Variants in MTNR1B observed in about 807,000 individuals in gnomAD.
MTNR1B encodes melatonin receptor type 1B.
Under a neutral mutation model 7.0 loss-of-function variants are expected in MTNR1B, and 7 were observed. That is an observed-to-expected ratio of 1.00 (90% CI 0.57 to 1.88). MTNR1B has a LOEUF of 1.88. MTNR1B is among the 40% of genes most tolerant of loss of function. The probability of loss-of-function intolerance (pLI) is 0.00; values close to 1 mark genes in which losing one functional copy is unlikely to be tolerated. For synonymous variants in MTNR1B, 226 were observed against 208.2 expected (o/e 1.09, Z -0.74); for missense variants, 478 against 486.5 (o/e 0.98, Z 0.16).
In MTNR1B at chr11:92,981,860, A is replaced by G; in HGVS notation, c.637A>G (p.Ile213Val). ...GGTGGTCATCCACTTCCTCCTCCCT[A>G]TCGCTGTCGTGTCCTTCTGCTACCT... ...AVVVIHFLLP[I>V]AVVSFCYLRI... is the part of the protein sequence containing the mutation. The change falls in exon 2 of 2, where the codon ATC becomes GTC. Residue 213 changes from isoleucine to valine, a missense_variant. Physicochemically the swap from Ile to Val is conservative, Grantham distance 29. Coordinates refer to ENST00000257068, the MANE Select transcript of MTNR1B (RefSeq NM_005959.5). The G allele has an allele frequency of 6.2e-7, 1 of 1,613,998 alleles. No individual in the cohort carries two copies. Among genetic ancestry groups the G allele is most frequent in the Non-Finnish European group, 8.5e-7 (1 of 1,180,004 alleles).
chr11:92,981,967 G>A lies in MTNR1B; in HGVS notation c.744G>A (p.Arg248=), dbSNP rs1257047833. ...TGTGCCTGAAGCCCAGCGACTTGCG[G>A]AGCTTTCTAACCATGTTTGTGGTGT... ...SRLCLKPSDL[R]SFLTMFVVFV... Residue 248 remains arginine (R), a synonymous_variant, in exon 2 of 2, where the codon CGG becomes CGA. Coordinates refer to ENST00000257068, the MANE Select transcript of MTNR1B (RefSeq NM_005959.5). 6.2e-7 allele frequency: 1 copy of A among 1,614,232 alleles called. No homozygotes were observed. The highest frequency in any genetic ancestry group is 1.1e-5 in the South Asian group (1 of 91,084).
chr11:92,981,780 G>A lies in MTNR1B; in HGVS notation c.557G>A (p.Arg186His), dbSNP rs1347056510. The A allele has an allele frequency of 1.2e-5, 19 of 1,614,034 alleles. No homozygotes were observed. Among genetic ancestry groups the A allele is most frequent in the African/African-American group, 9.3e-5 (7 of 74,910 alleles). The part of the protein sequence containing the change: ...FFVGSLEYDP[R>H]IYSCTFIQTA... Reference sequence around the variant, plus strand: ...GTGGGGTCCCTGGAGTACGACCCACGCATCTATTCCTGCACCTTCATCCAG... The same window carrying A: ...GTGGGGTCCCTGGAGTACGACCCACACATCTATTCCTGCACCTTCATCCAG... The change falls in exon 2 of 2, where the codon CGC becomes CAC. Residue 186 changes from arginine to histidine, a missense_variant. Transcript: ENST00000257068.
intron 1 of MTNR1B, among the ~76,000 whole-genome samples, chr11:92,972,276 A>G (rs1000506402): frequency 6.6e-6 from 1 of 152,178 alleles, no homozygotes; most frequent in African/African-American, 2.4e-5. Context: ...GAGAATACAT[A>G]TATTTCCAAT....
downstream of MTNR1B, chr11:92,984,704 G>T: frequency 2.8e-6 from 1 of 354,718 alleles, no homozygotes; most frequent in South Asian, 2.2e-5. Context: ...AGTAAATATG[G>T]ATTGAAGGCT....
In MTNR1B at chr11:92,981,833, G is replaced by A; in HGVS notation, c.610G>A (p.Val204Met). 1 of 1,614,216 alleles carries A rather than the reference G, an allele frequency of 6.2e-7. No homozygotes were observed. Among genetic ancestry groups the A allele is most frequent in the Non-Finnish European group, 8.5e-7 (1 of 1,180,046 alleles). ...CGCCAGCACCCAGTACACGGCGGCA[G>A]TGGTGGTCATCCACTTCCTCCTCCC... ...QTASTQYTAA[V>M]VVIHFLLPIA... Residue 204 changes from valine (V) to methionine (M), a missense_variant, in exon 2 of 2, where the codon GTG becomes ATG. By Grantham distance (21) the Val-to-Met change is conservative. Transcript: ENST00000257068.
intron 1 of MTNR1B, among the ~76,000 whole-genome samples, chr11:92,974,748 G>C (rs1172557490): frequency 6.6e-6 from 1 of 152,060 alleles, no homozygotes; most frequent in Non-Finnish European, 1.5e-5. Flanking sequence ...GACTACAGGC[G>C]ACCGCCACCT....
intron 1 of MTNR1B, among the ~76,000 whole-genome samples, chr11:92,975,355 G>A (rs1857996145): frequency 6.6e-6 from 1 of 152,160 alleles, no homozygotes; most frequent in Non-Finnish European, 1.5e-5. Flanking sequence ...TGCACGAATT[G>A]GCATTTCTGG....
intron 1 of MTNR1B, among the ~76,000 whole-genome samples, chr11:92,976,860 C>A (rs1354464892): frequency 2.0e-5 from 3 of 152,172 alleles, no homozygotes; most frequent in Non-Finnish European, 2.9e-5. Flanking sequence ...TTCACACAAA[C>A]TGGGTGTCTG....
intron 1 of MTNR1B, chr11:92,972,678 T>G (rs6483208): frequency 0.046 from 17,651 of 381,294 alleles, 1,379 homozygotes; most frequent in African/African-American, 0.22. Context: ...GCCTGTCAGA[T>G]TGTGCTTCCC....
At chr11:92,978,061 CTCTT>C (rs1858038971) in intron 1 of MTNR1B, among the ~76,000 whole-genome samples, 1 of 152,198 alleles carries the variant, frequency 6.6e-6, no homozygotes, top group Admixed American at 6.5e-5. Context: ...TGATGATTCT[CTCTT>C]TCTATCTTGT....
Position 92,969,798 on chromosome 11 carries a change from G to T in MTNR1B, c.73G>T (p.Ala25Ser). The change falls in exon 1 of 2, where the codon GCT becomes TCT. Residue 25 changes from alanine (A) to serine (S), a missense_variant. Physicochemically the swap from Ala to Ser is moderately conservative, Grantham distance 99 (BLOSUM62 1). Transcript: ENST00000257068. The part of the protein sequence containing the change: ...GWAVRPGWSG[A>S]GSARPSRTPR... ...GGCAGTGCGCCCGGGCTGGTCGGGG[G>T]CTGGCAGCGCGCGGCCCTCCAGGAC... 6.4e-7 allele frequency: 1 copy of T among 1,558,650 alleles called. No individual in the cohort carries two copies. The highest frequency in any genetic ancestry group is 8.7e-7 in the Non-Finnish European group (1 of 1,151,288).
downstream of MTNR1B, chr11:92,984,849 G>A: frequency 2.2e-6 from 1 of 454,972 alleles, no homozygotes. Context: ...CAAAAAGAAT[G>A]GTAAAGCCCA....
chr11:92,978,316 TG>T (rs1353097719), intron 1 of MTNR1B, among the ~76,000 whole-genome samples: 1 of 152,206 alleles, frequency 6.6e-6, no homozygotes, highest in African/African-American at 2.4e-5. Context: ...GAGACTGTGA[TG>T]GTTGTGTGTG....
chr11:92,978,017 T>C (rs1439387304), intron 1 of MTNR1B, among the ~76,000 whole-genome samples: 1 of 152,228 alleles, frequency 6.6e-6, no homozygotes, highest in Non-Finnish European at 1.5e-5. Flanking sequence ...CAGAACCTAG[T>C]ATATACTCAG....
At position 92,970,948 on chromosome 11, in the gene MTNR1B, C is replaced by G. The variant is rs573212232; in HGVS notation, c.223+1000C>G. ...AAATAGTAATATGTATTTGGTGTGGCCTGTGACTCTAGAAATTTTTTTTTT... is the reference window on the plus strand; with the variant it reads ...AAATAGTAATATGTATTTGGTGTGGGCTGTGACTCTAGAAATTTTTTTTTT... On this transcript the variant is annotated intron_variant, in intron 1 of 1. Transcript: ENST00000257068. Among the ~76,000 whole-genome samples, 11 of 152,104 alleles carry G rather than the reference C, an allele frequency of 7.2e-5. No individual in the cohort carries two copies. In the South Asian group the frequency reaches 1.7e-3, roughly 23 times the overall value.
At chr11:92,979,627 A>G (rs1858065709) in intron 1 of MTNR1B, among the ~76,000 whole-genome samples, 1 of 152,172 alleles carries the variant, frequency 6.6e-6, no homozygotes, top group South Asian at 2.1e-4. Context: ...TTGTCCAGAC[A>G]ATCTCCTTTC....
intron 1 of MTNR1B, among the ~76,000 whole-genome samples, chr11:92,978,374 A>T (rs192803902): frequency 6.6e-6 from 1 of 152,360 alleles, no homozygotes; most frequent in East Asian, 1.9e-4. Flanking sequence ...ATTCCATGTT[A>T]GTAAACAAAG....
At chr11:92,970,865 C>G (rs550369315) in intron 1 of MTNR1B, among the ~76,000 whole-genome samples, 1 of 152,276 alleles carries the variant, frequency 6.6e-6, no homozygotes, top group Non-Finnish European at 1.5e-5. Flanking sequence ...AAGATAGCAG[C>G]AGTAAAACAA....
chr11:92,982,933 T>TGC (rs777300911), downstream of MTNR1B, among the ~76,000 whole-genome samples: 83 of 88,032 alleles, frequency 9.4e-4, 1 homozygote, highest in Non-Finnish European at 1.2e-3. Flanking sequence ...ACAAACACAC[T>TGC]GCACCCCCCC....
Sources: gnomAD v4.1 joint callset for allele counts (sites outside exome capture counted in the v4.1 genomes callset) on GRCh38, gnomAD v4.1.1 for gene constraint, MANE v1.5 for transcripts, NCBI Gene and HGNC (gene_info 2026-07-23, HGNC 2026-07-21) for gene names.